The following NCKAP5 variants were observed in gnomAD, a reference collection of about 807,000 sequenced individuals.
NCKAP5 encodes nck-associated protein 5.
In NCKAP5, 92 loss-of-function variants were observed where a neutral mutation model predicts 167.0. That is an observed-to-expected ratio of 0.55 (90% confidence interval 0.47 to 0.66). The LOEUF (loss-of-function observed/expected upper bound fraction) is 0.66, where lower values mean the gene tolerates loss of function less well. Ranked by LOEUF, NCKAP5 falls within the 30% of genes least tolerant of loss-of-function variation. The pLI is 0.00. For synonymous variants in NCKAP5, 891 were observed against 877.4 expected (o/e 1.02, Z -0.27); for missense variants, 2,378 against 2,315.0 (o/e 1.03, Z -0.56).
intron 3 of NCKAP5, among the ~76,000 whole-genome samples, chr2:133,467,191 C>T (rs375929045): frequency 6.6e-6 from 1 of 150,880 alleles, no homozygotes; most frequent in Non-Finnish European, 1.5e-5. Flanking sequence ...CCCATCAATA[C>T]CTAATTTATT....
chr2:133,670,583 T>C, the NCKAP5 span, among the ~76,000 whole-genome samples: 2 of 152,200 alleles, frequency 1.3e-5, no homozygotes, highest in East Asian at 3.9e-4. Context: ...TGGCAGGCAC[T>C]AATCTCAGCA....
At chr2:132,887,649 C>G (rs905862479) in intron 8 of NCKAP5, among the ~76,000 whole-genome samples, 2 of 152,056 alleles carry the variant, frequency 1.3e-5, no homozygotes, top group African/African-American at 4.8e-5. Flanking sequence ...ATATGCTTTA[C>G]ACTCCCATTG....
chr2:132,967,451 T>A (rs903242951), intron 7 of NCKAP5, among the ~76,000 whole-genome samples: 2 of 152,132 alleles, frequency 1.3e-5, no homozygotes, highest in African/African-American at 4.8e-5. Flanking sequence ...ATAGGGTCGG[T>A]GTTTGGTGAA....
chr2:132,979,539 A>G (rs1215120538), intron 7 of NCKAP5, among the ~76,000 whole-genome samples: 2 of 152,108 alleles, frequency 1.3e-5, no homozygotes, highest in African/African-American at 4.8e-5. Flanking sequence ...CAGAGCCCCG[A>G]GAGGTTAAGT....
At chr2:133,056,147 A>G (rs1371735942) in intron 6 of NCKAP5, among the ~76,000 whole-genome samples, 2 of 152,220 alleles carry the variant, frequency 1.3e-5, no homozygotes, top group East Asian at 1.9e-4. Flanking sequence ...TTTCTCGATG[A>G]CCTGCTCAAC....
At chr2:132,964,328 G>A (rs2076599460) in intron 7 of NCKAP5, among the ~76,000 whole-genome samples, 1 of 152,148 alleles carries the variant, frequency 6.6e-6, no homozygotes, top group Non-Finnish European at 1.5e-5. Context: ...ACTGAAATAA[G>A]AGTGATTTCA....
chr2:132,716,284 C>T (rs1028400240), intron 19 of NCKAP5, among the ~76,000 whole-genome samples: 4 of 152,156 alleles, frequency 2.6e-5, no homozygotes, highest in Non-Finnish European at 5.9e-5. Flanking sequence ...TTCTCCCATC[C>T]CCTAGCAAGT....
intron 6 of NCKAP5, among the ~76,000 whole-genome samples, chr2:133,059,762 G>C (rs920287713): frequency 6.6e-6 from 1 of 151,984 alleles, no homozygotes; most frequent in Non-Finnish European, 1.5e-5. Context: ...ATAGACTATA[G>C]TATAGTGTGA....
At chr2:133,573,401 A>G (rs1688935579), upstream of NCKAP5, among the ~76,000 whole-genome samples, 1 of 152,236 alleles carries the variant, frequency 6.6e-6, no homozygotes, top group Non-Finnish European at 1.5e-5. Flanking sequence ...TGCAACCCCA[A>G]GGACCTTTGG....
chr2:132,714,761 C>A (rs183148392), intron 19 of NCKAP5: 5,776 of 409,358 alleles, frequency 0.014, 67 homozygotes, highest in Non-Finnish European at 0.018. Flanking sequence ...TGCAGTGAGC[C>A]GAGATCATGC....
chr2:133,218,681 C>A (rs758390160), intron 4 of NCKAP5, among the ~76,000 whole-genome samples: 21 of 152,132 alleles, frequency 1.4e-4, no homozygotes, highest in Non-Finnish European at 3.1e-4. Flanking sequence ...ATGTTAATTT[C>A]TCACAAGAGC....
chr2:133,557,131 T>C lies in NCKAP5; in HGVS notation c.-62+1919A>G, dbSNP rs562705424. 3.9e-5 allele frequency among the ~76,000 whole-genome samples: 6 copies of C among 152,362 alleles called. No individual in the cohort carries two copies. The East Asian group carries it at 1.2e-3, about 29-fold the overall frequency. On this transcript the variant is annotated intron_variant, in intron 2 of 19. Coordinates refer to ENST00000409261, the MANE Select transcript of NCKAP5 (RefSeq NM_207363.3). ...GAAATGAAAATAATATTTTTGGTGCTGATAATGCTCCTGGCCGATAGCTTG... is the reference window on the plus strand; with the variant it reads ...GAAATGAAAATAATATTTTTGGTGCCGATAATGCTCCTGGCCGATAGCTTG...
At chr2:133,514,314 T>C (rs1011963456) in intron 3 of NCKAP5, among the ~76,000 whole-genome samples, 2 of 152,222 alleles carry the variant, frequency 1.3e-5, no homozygotes, top group African/African-American at 4.8e-5. Flanking sequence ...AATATTTCAG[T>C]GTGTTACCAG....
chr2:133,194,354 C>T (rs1175268096), intron 5 of NCKAP5, among the ~76,000 whole-genome samples: 1 of 151,980 alleles, frequency 6.6e-6, no homozygotes, highest in Non-Finnish European at 1.5e-5. Flanking sequence ...AAATCTTCCA[C>T]CACACAAAGC....
chr2:132,983,226 C>T (rs2077191882), intron 7 of NCKAP5, among the ~76,000 whole-genome samples: 1 of 152,116 alleles, frequency 6.6e-6, no homozygotes, highest in Non-Finnish European at 1.5e-5. Context: ...TTAGTGTTTC[C>T]TAGGTACAGA....
intron 5 of NCKAP5, among the ~76,000 whole-genome samples, chr2:133,196,205 G>C (rs1055805697): frequency 2.0e-5 from 3 of 152,184 alleles, no homozygotes; most frequent in African/African-American, 7.2e-5. Context: ...AACTGGAAAT[G>C]ATGGGTGAGA....
At chr2:132,891,171 T>C (rs902345209) in intron 8 of NCKAP5, among the ~76,000 whole-genome samples, 2 of 152,200 alleles carry the variant, frequency 1.3e-5, no homozygotes, top group African/African-American at 4.8e-5. Context: ...TTTAAACGTT[T>C]GGATGGGGCT....
At chr2:132,762,317 G>C (rs1346168995) in intron 16 of NCKAP5, among the ~76,000 whole-genome samples, 4 of 150,418 alleles carry the variant, frequency 2.7e-5, no homozygotes, top group Admixed American at 6.6e-5. Context: ...CAGCTTTCAG[G>C]TTTTTGCGCT....
In NCKAP5 at chr2:133,017,178, T is replaced by C. The variant is rs78657011; in HGVS notation, c.342-22939A>G. Among the ~76,000 whole-genome samples, 73 of 152,348 alleles carry C rather than the reference T, an allele frequency of 4.8e-4. No individual in the cohort carries two copies. The East Asian group carries it at 0.012, about 26-fold the overall frequency. On this transcript the variant is annotated intron_variant, in intron 6 of 19. Transcript: ENST00000409261. ...GTCTATACAAAACCATCTGCTAATG[T>C]CTCATGTCAAAACCTATTTATGTTA... is the stretch of plus-strand genomic sequence containing the variant.
Sources: allele counts gnomAD v4.1 joint callset (sites outside exome capture counted in the v4.1 genomes callset), GRCh38; gene constraint gnomAD v4.1.1; transcripts MANE v1.5; gene names NCBI Gene and HGNC (gene_info 2026-07-23, HGNC 2026-07-21).